The following AP3D1 variants were observed in gnomAD, a reference collection of about 807,000 sequenced individuals.
AP3D1 encodes the protein AP-3 complex subunit delta-1.
In AP3D1, 51 loss-of-function variants were observed where a neutral mutation model predicts 147.6. That is an observed-to-expected ratio of 0.35 (90% confidence interval 0.28 to 0.44). The LOEUF (loss-of-function observed/expected upper bound fraction) is 0.44, where lower values mean the gene tolerates loss of function less well. AP3D1 is among the 20% of genes least tolerant of loss of function. The pLI is 1.00. For synonymous variants in AP3D1, 760 were observed against 663.0 expected, an observed-to-expected ratio of 1.15 and a Z score of -2.25; for missense variants, 1,421 against 1,624.2, an observed-to-expected ratio of 0.87 and a Z score of 2.15.
intron 1 of AP3D1, among the ~76,000 whole-genome samples, chr19:2,146,684 A>G (rs946367490): frequency 9.2e-5 from 14 of 152,212 alleles, no homozygotes; most frequent in Non-Finnish European, 1.6e-4. Context: ...CAGAGGGAAA[A>G]CAAAGCACAT....
At chr19:2,155,531 CAAAAAAA>C (rs60793261), upstream of AP3D1, among the ~76,000 whole-genome samples, 6 of 55,272 alleles carry the variant, frequency 1.1e-4, no homozygotes, top group East Asian at 1.2e-3. Flanking sequence ...GACTCTGTCT[CAAAAAAA>C]AAAAAAAAAA....
Position 2,110,209 on chromosome 19 carries a change from G to A in AP3D1, c.3191C>T (p.Ala1064Val). Residue 1064 changes from alanine (A) to valine (V), a missense_variant, in exon 28 of 32, where the codon GCC becomes GTC. This residue lies in a region of AP3D1 where 791 missense variants were observed against 761.4 expected (regional missense o/e 1.04). Coordinates refer to ENST00000643116, the MANE Select transcript of AP3D1 (RefSeq NM_001261826.3). ...FQLPPGVSNE[A>V]QYVFTIQSIV... ...GCTCTGGATGGTGAACACATACTGGGCTTCGTTGGAGACGCCTGGCGGGGG... is the reference window on the plus strand; with the variant it reads ...GCTCTGGATGGTGAACACATACTGGACTTCGTTGGAGACGCCTGGCGGGGG... The A allele has an allele frequency of 6.2e-7, 1 of 1,612,308 alleles. No homozygotes were observed. The highest frequency in any genetic ancestry group is 1.1e-5 in the South Asian group (1 of 91,016).
chr19:2,117,137 G>A (rs1456359830), intron 16 of AP3D1, 85 bp downstream of exon 16: 2 of 1,475,262 alleles, frequency 1.4e-6, no homozygotes, highest in East Asian at 2.4e-5. Context: ...GCTGTTCAGG[G>A]GTGCAGGAGC....
At chr19:2,114,989 G>C (rs946522249) in intron 20 of AP3D1, among the ~76,000 whole-genome samples, 168 bp from the exon 21 acceptor site, 13 of 152,184 alleles carry the variant, frequency 8.5e-5, no homozygotes, top group Non-Finnish European at 1.5e-5. Context: ...AGGGCGGCTG[G>C]GCCCCAGGAC....
chr19:2,118,156 T>A (rs2018510392), intron 15 of AP3D1, among the ~76,000 whole-genome samples: 1 of 151,976 alleles, frequency 6.6e-6, no homozygotes, highest in Admixed American at 6.5e-5. Context: ...TGAAACTCCA[T>A]CTCGAAAAAT....
chr19:2,141,034 C>G (rs937135125), intron 1 of AP3D1, among the ~76,000 whole-genome samples: 4 of 152,220 alleles, frequency 2.6e-5, no homozygotes, highest in African/African-American at 7.2e-5. Context: ...GCCAGGATAA[C>G]AGGCATGAGC....
intron 7 of AP3D1, 48 bp downstream of exon 7, chr19:2,129,270 G>A: frequency 6.2e-7 from 1 of 1,602,466 alleles, no homozygotes; most frequent in Non-Finnish European, 8.5e-7. Flanking sequence ...CAGGGTGAGG[G>A]AATGCCCCAC....
At chr19:2,125,668 A>C (rs558143822) in intron 9 of AP3D1, among the ~76,000 whole-genome samples, 1 of 152,078 alleles carries the variant, frequency 6.6e-6, no homozygotes, top group Non-Finnish European at 1.5e-5. Flanking sequence ...TTTTCTTAAA[A>C]TAGGTGTATA....
At chr19:2,145,809 C>G (rs2019341713) in intron 1 of AP3D1, among the ~76,000 whole-genome samples, 1 of 152,150 alleles carries the variant, frequency 6.6e-6, no homozygotes, top group African/African-American at 2.4e-5. Flanking sequence ...TTGAAAACCC[C>G]TGCAAAGGAG....
At chr19:2,146,590 G>C (rs1005907367) in intron 1 of AP3D1, among the ~76,000 whole-genome samples, 1 of 147,276 alleles carries the variant, frequency 6.8e-6, no homozygotes, top group Non-Finnish European at 1.5e-5. Context: ...GGTGACAGAC[G>C]GAGCAAGACC....
At chr19:2,149,663 C>T (rs766708582) in intron 1 of AP3D1, among the ~76,000 whole-genome samples, 3 of 152,146 alleles carry the variant, frequency 2.0e-5, no homozygotes, top group South Asian at 2.1e-4. Flanking sequence ...AGGGGCTTCC[C>T]AGTGAAGACA....
chr19:2,126,635 A>G (rs2018763384), intron 9 of AP3D1, among the ~76,000 whole-genome samples: 1 of 148,738 alleles, frequency 6.7e-6, no homozygotes, highest in South Asian at 2.2e-4. Context: ...CCTGGGCAAC[A>G]GAGTGAGACT....
chr19:2,138,795 C>T, intron 1 of AP3D1, 81 bp from the exon 2 acceptor site: 1 of 1,010,134 alleles, frequency 9.9e-7, no homozygotes, highest in Admixed American at 1.7e-5. Context: ...GGCACAGTGG[C>T]TCACGCCTGT....
At chr19:2,130,623 G>A (rs2018913472) in intron 5 of AP3D1, 86 bp from the exon 6 acceptor site, 1 of 1,578,078 alleles carries the variant, frequency 6.3e-7, no homozygotes, top group Non-Finnish European at 8.6e-7. Context: ...TCCACAGAGA[G>A]GAGATGCCCT....
At chr19:2,154,631 T>C (rs2019630769), upstream of AP3D1, among the ~76,000 whole-genome samples, 1 of 152,194 alleles carries the variant, frequency 6.6e-6, no homozygotes, top group African/African-American at 2.4e-5. Context: ...AGAATTTCTC[T>C]CTCCACTTTC....
intron 1 of AP3D1, among the ~76,000 whole-genome samples, chr19:2,148,300 A>C (rs1282679471): frequency 6.6e-6 from 1 of 152,204 alleles, no homozygotes; most frequent in Non-Finnish European, 1.5e-5. Flanking sequence ...GGACCAAGAC[A>C]CATACACATG....
At chr19:2,134,432 A>G (rs1406897833) in intron 4 of AP3D1, among the ~76,000 whole-genome samples, 1 of 151,306 alleles carries the variant, frequency 6.6e-6, no homozygotes, top group Non-Finnish European at 1.5e-5. Context: ...AAAAAAAAAA[A>G]GTAAGAAAAT....
chr19:2,125,855 A>G (rs2018741138), intron 9 of AP3D1, among the ~76,000 whole-genome samples: 1 of 150,964 alleles, frequency 6.6e-6, no homozygotes, highest in African/African-American at 2.4e-5. Context: ...AACAAAAGAG[A>G]TGGGGTGCTG....
chr19:2,118,321 C>T (rs1347845423), intron 15 of AP3D1, among the ~76,000 whole-genome samples: 3 of 152,178 alleles, frequency 2.0e-5, no homozygotes, highest in African/African-American at 4.8e-5. Flanking sequence ...CCTGCTGTCT[C>T]GCCGCATGTG....
Sources: gnomAD v4.1 joint callset for allele counts (sites outside exome capture counted in the v4.1 genomes callset) on GRCh38, gnomAD v4.1.1 for gene constraint, gnomAD v4.1.1 regional missense constraint, MANE v1.5 for transcripts, NCBI Gene and HGNC (gene_info 2026-07-23, HGNC 2026-07-21) for gene names.